MGAT5: variants seen among roughly 807,000 people sequenced by gnomAD.
The protein encoded by MGAT5 is alpha-1,6-mannosylglycoprotein 6-beta-N-acetylglucosaminyltransferase.
Under a neutral mutation model 94.3 loss-of-function variants are expected in MGAT5, and 30 were observed. The ratio of observed to expected loss-of-function variants is 0.32; its 90% CI spans 0.24 to 0.43. The LOEUF (loss-of-function observed/expected upper bound fraction) is 0.43, where lower values mean the gene tolerates loss of function less well. Among genes scored for constraint, MGAT5 ranks in the 20% least tolerant of loss-of-function variants. MGAT5 has a pLI of 1.00. For synonymous variants in MGAT5, 310 were observed against 322.9 expected (o/e 0.96, Z 0.43); for missense variants, 691 against 905.5 (o/e 0.76, Z 3.04).
intron 1 of MGAT5, among the ~76,000 whole-genome samples, chr2:134,151,453 C>G (rs1282702342): frequency 1.4e-5 from 2 of 147,830 alleles, no homozygotes; most frequent in Non-Finnish European, 3.0e-5. Flanking sequence ...ACCTCACTCA[C>G]TCACGCCCTA....
At chr2:134,126,127 T>C (rs1025563637) in intron 1 of MGAT5, among the ~76,000 whole-genome samples, 3 of 152,258 alleles carry the variant, frequency 2.0e-5, no homozygotes, top group African/African-American at 7.2e-5. Flanking sequence ...CGCCATACTT[T>C]GTGGAATCTT....
At chr2:134,423,602 T>C (rs1684418110) in intron 13 of MGAT5, among the ~76,000 whole-genome samples, 1 of 152,192 alleles carries the variant, frequency 6.6e-6, no homozygotes, top group Admixed American at 6.5e-5. Context: ...TGCTGTACTT[T>C]GGTGGGAGCA....
At chr2:134,192,114 G>C (rs1233890979) in intron 1 of MGAT5, among the ~76,000 whole-genome samples, 2 of 142,914 alleles carry the variant, frequency 1.4e-5, no homozygotes, top group African/African-American at 5.2e-5. Flanking sequence ...CTCCTCGCGC[G>C]AGCGGGTTCC....
intron 1 of MGAT5, among the ~76,000 whole-genome samples, chr2:134,245,709 G>A (rs1353407651): frequency 6.6e-6 from 1 of 152,158 alleles, no homozygotes; most frequent in Non-Finnish European, 1.5e-5. Context: ...GAGAACAGCT[G>A]GGGTAGGTGT....
chr2:134,420,236 G>A (rs917885418), intron 12 of MGAT5, among the ~76,000 whole-genome samples: 1 of 152,122 alleles, frequency 6.6e-6, no homozygotes, highest in African/African-American at 2.4e-5. Context: ...GAGAAATAAC[G>A]TTTGTGCAGG....
intron 2 of MGAT5, among the ~76,000 whole-genome samples, chr2:134,288,308 A>G (rs889364554): frequency 6.6e-6 from 1 of 152,218 alleles, no homozygotes; most frequent in African/African-American, 2.4e-5. Flanking sequence ...CCATATAGGA[A>G]TTAGATCAGT....
chr2:134,318,559 C>A (rs1465009243), intron 3 of MGAT5, 91 bp from the exon 4 acceptor site: 2 of 955,754 alleles, frequency 2.1e-6, no homozygotes, highest in African/African-American at 1.6e-5. Context: ...GAGCCATTCA[C>A]TCCATCTTCA....
chr2:134,272,431 T>C (rs2105651433), intron 2 of MGAT5, among the ~76,000 whole-genome samples: 1 of 152,086 alleles, frequency 6.6e-6, no homozygotes, highest in East Asian at 1.9e-4. Context: ...ATGATTAACC[T>C]CATTTGCATG....
At chr2:134,156,868 T>C (rs1432162269) in intron 1 of MGAT5, among the ~76,000 whole-genome samples, 1 of 152,158 alleles carries the variant, frequency 6.6e-6, no homozygotes, top group African/African-American at 2.4e-5. Context: ...AGAGTGCAAC[T>C]GGGACGTTGG....
chr2:134,131,154 C>T (rs549891517), intron 1 of MGAT5, among the ~76,000 whole-genome samples: 17 of 152,310 alleles, frequency 1.1e-4, no homozygotes, highest in South Asian at 2.1e-4. Flanking sequence ...CTGAGGCCAG[C>T]GAGCTCACAA....
chr2:134,175,888 A>G (rs1279446854), intron 1 of MGAT5, among the ~76,000 whole-genome samples: 1 of 152,154 alleles, frequency 6.6e-6, no homozygotes, highest in Non-Finnish European at 1.5e-5. Context: ...CCTCAGGTTA[A>G]TTAATGTGGG....
At chr2:134,445,867 G>T (rs1023648600) in intron 15 of MGAT5, among the ~76,000 whole-genome samples, 7 of 152,324 alleles carry the variant, frequency 4.6e-5, no homozygotes, top group African/African-American at 1.4e-4. Flanking sequence ...TGCAGAGGCT[G>T]TCTGGTCTCC....
chr2:134,144,001 A>G (rs573609936), intron 1 of MGAT5, among the ~76,000 whole-genome samples: 1 of 152,224 alleles, frequency 6.6e-6, no homozygotes, highest in South Asian at 2.1e-4. Flanking sequence ...GGAAATGGAA[A>G]GAAGTGATTC....
rs536951379 is a variant in MGAT5 at position 134,402,897 on chromosome 2, G to A, written c.1381-91G>A. 127 of 1,273,022 alleles carry A rather than the reference G, an allele frequency of 1.0e-4. 1 individual carries two copies. In the East Asian group the frequency reaches 3.2e-3, roughly 33 times the overall value. 78.9% of individuals were successfully genotyped at this position (1,273,022 alleles called of 1,614,324 possible). On this transcript the variant is annotated intron_variant, in intron 10 of 15. Transcript: ENST00000281923. ...CCATATTAAGAACTCTCTGTCTGTG[G>A]CCTCTAGTCTTAGAAGTTCTAGTCC...
chr2:134,189,639 G>T (rs1239592517), intron 1 of MGAT5, among the ~76,000 whole-genome samples: 1 of 85,212 alleles, frequency 1.2e-5, no homozygotes, highest in African/African-American at 4.6e-5. Flanking sequence ...GTCTCGCTCT[G>T]TTGCCAGGCT....
chr2:134,266,160 CAA>C (rs371430614), intron 1 of MGAT5, among the ~76,000 whole-genome samples: 13 of 112,558 alleles, frequency 1.2e-4, no homozygotes, highest in Admixed American at 1.9e-4. Flanking sequence ...GACTCCATCT[CAA>C]AAAAAAAAAA....
In MGAT5 at chr2:134,284,819, G is replaced by A. The variant is rs528993480; in HGVS notation, c.406+14269G>A. Among the ~76,000 whole-genome samples the A allele has an allele frequency of 8.5e-5, 13 of 152,194 alleles. No individual in the cohort carries two copies. In the East Asian group the frequency reaches 2.3e-3, roughly 27 times the overall value. ...TGTGCCCATTTAATCTGCCACTGCT[G>A]GGACAATCGCATTTTATTGTGCATC... On this transcript the variant is annotated intron_variant, in intron 2 of 15. Transcript: ENST00000281923.
At chr2:134,133,043 G>T (rs1686249581) in intron 1 of MGAT5, among the ~76,000 whole-genome samples, 1 of 152,216 alleles carries the variant, frequency 6.6e-6, no homozygotes, top group Non-Finnish European at 1.5e-5. Context: ...CCATTCAAGT[G>T]CTAGTTATTT....
At chr2:134,130,951 T>A (rs1364747660) in intron 1 of MGAT5, among the ~76,000 whole-genome samples, 2 of 152,216 alleles carry the variant, frequency 1.3e-5, no homozygotes, top group Non-Finnish European at 2.9e-5. Flanking sequence ...ATCAGCAGGA[T>A]GTGGGTGGGG....
Sources: allele counts gnomAD v4.1 joint callset (sites outside exome capture counted in the v4.1 genomes callset), GRCh38; gene constraint gnomAD v4.1.1; transcripts MANE v1.5; gene names NCBI Gene and HGNC (gene_info 2026-07-23, HGNC 2026-07-21).